Variants in PARP11 observed in about 807,000 individuals in gnomAD.
The protein encoded by PARP11 is poly(ADP-ribose) polymerase family member 11, also known as protein mono-ADP-ribosyltransferase PARP11.
Under a neutral mutation model 42.9 loss-of-function variants are expected in PARP11, and 31 were observed. The ratio of observed to expected loss-of-function variants is 0.72; its 90% CI spans 0.54 to 0.98. The LOEUF (loss-of-function observed/expected upper bound fraction) is 0.98. Among genes scored for constraint, PARP11 ranks in the 50% least tolerant of loss-of-function variants. The pLI is 0.00. For missense variants in PARP11, 365 were observed against 413.1 expected (o/e 0.88, Z 1.01); for synonymous variants, 137 against 127.3 (o/e 1.08, Z -0.51).
At chr12:3,855,752 C>T (rs1948178242) in intron 1 of PARP11, among the ~76,000 whole-genome samples, 2 of 152,186 alleles carry the variant, frequency 1.3e-5, no homozygotes, top group Non-Finnish European at 2.9e-5. Context: ...CAATGACATT[C>T]TTCACAGAAT....
In PARP11 at chr12:3,812,126, A is replaced by G. The variant is rs927555064; in HGVS notation, c.1014T>C (p.His338=). The change falls in exon 8 of 8, where the codon CAT becomes CAC. Residue 338 remains histidine, a synonymous_variant. Transcript: ENST00000228820. The part of the protein sequence containing the change: ...QIYPEYLIDF[H] ...CCACCGAGATTTGGAAGTGAAATCA[A>G]TGAAAGTCTATCAAGTACTCAGGAT... 32 of 1,590,334 alleles carry G rather than the reference A, an allele frequency of 2.0e-5. No homozygotes were observed. Among genetic ancestry groups the G allele is most frequent in the East Asian group, 4.5e-5 (2 of 44,556 alleles).
At position 3,812,139 on chromosome 12, in the gene PARP11, A is replaced by T. The variant is rs758169815; in HGVS notation, c.1001T>A (p.Leu334Ter). ...FDANQIYPEY[L>*]IDFH ...GAAGTGAAATCAATGAAAGTCTATCAAGTACTCAGGATAGATTTGGTTGGC... is the reference window on the plus strand; with the variant it reads ...GAAGTGAAATCAATGAAAGTCTATCTAGTACTCAGGATAGATTTGGTTGGC... The change falls in exon 8 of 8, where the codon TTG becomes TAG. Residue 334 changes from leucine to a stop codon, truncating the protein, a stop_gained. Coordinates refer to ENST00000228820, the MANE Select transcript of PARP11 (RefSeq NM_020367.6). LOFTEE classifies it high-confidence loss of function. 3 of 1,608,316 alleles carry T rather than the reference A, an allele frequency of 1.9e-6. No homozygotes were observed. The highest frequency in any genetic ancestry group is 2.5e-6 in the Non-Finnish European group (3 of 1,176,852).
chr12:3,841,592 A>C (rs1947889834), intron 1 of PARP11: 3 of 1,612,402 alleles, frequency 1.9e-6, no homozygotes, highest in Non-Finnish European at 2.5e-6. Flanking sequence ...AGTCACGGAC[A>C]ATTGTCTTAC....
chr12:3,824,715 T>C, intron 4 of PARP11: 1 of 627,294 alleles, frequency 1.6e-6, no homozygotes, highest in Non-Finnish European at 2.0e-6. Flanking sequence ...TCACAGTGTT[T>C]CTTGTCTCCA....
At chr12:3,819,740 ACT>A (rs758829410) in intron 6 of PARP11, among the ~76,000 whole-genome samples, 2 of 152,142 alleles carry the variant, frequency 1.3e-5, no homozygotes. Flanking sequence ...GCCCCCGCTA[ACT>A]CTCTGACTTC....
chr12:3,855,445 CA>C (rs1388454734), intron 1 of PARP11, among the ~76,000 whole-genome samples: 2 of 152,180 alleles, frequency 1.3e-5, no homozygotes, highest in African/African-American at 4.8e-5. Context: ...TCTCAGGATA[CA>C]AAATCAATGT....
At chr12:3,822,209 G>GTATTTTAA in intron 4 of PARP11, 52 bp from the exon 5 acceptor site, 2 of 1,365,692 alleles carry the variant, frequency 1.5e-6, no homozygotes, top group Non-Finnish European at 2.1e-6. Context: ...TACAATTACT[G>GTATTTTAA]TCAAGAACTT....
At chr12:3,869,159 C>T (rs919766195) in intron 1 of PARP11, among the ~76,000 whole-genome samples, 1 of 152,114 alleles carries the variant, frequency 6.6e-6, no homozygotes, top group African/African-American at 2.4e-5. Context: ...CTTTGGGGCC[C>T]CCCTGGATAA....
intron 1 of PARP11, chr12:3,839,487 T>G (rs1947843920): frequency 6.2e-7 from 1 of 1,611,538 alleles, no homozygotes; most frequent in African/African-American, 1.3e-5. Flanking sequence ...CTCGCCATGT[T>G]GAAGTCAGAA....
At chr12:3,816,057 G>T (rs999709684) in intron 6 of PARP11, among the ~76,000 whole-genome samples, 2 of 152,146 alleles carry the variant, frequency 1.3e-5, no homozygotes, top group African/African-American at 4.8e-5. Context: ...GACATCAGAA[G>T]GTCGTGCATT....
Position 3,844,270 on chromosome 12 carries a change from G to A in PARP11, c.19-14252C>T, listed in dbSNP as rs549741182. On this transcript the variant is annotated intron_variant, in intron 1 of 7. Transcript: ENST00000228820. The stretch of plus-strand genomic sequence containing the variant: ...AAATTGTAAAGACTGGGATGGTTGT[G>A]TGGAAAACATTTTTTGAGAGAATCT... Among the ~76,000 whole-genome samples the A allele has an allele frequency of 3.1e-3, 465 of 152,318 alleles. 3 individuals are homozygous for A. The highest frequency in any genetic ancestry group is 9.7e-3 in the African/African-American group (404 of 41,576).
chr12:3,840,139 G>A lies in PARP11; in HGVS notation c.19-10121C>T, dbSNP rs1947856435. 2 of 1,610,936 alleles carry A rather than the reference G, an allele frequency of 1.2e-6. No individual in the cohort carries two copies. The highest frequency in any genetic ancestry group is 3.3e-5 in the Admixed American group (2 of 59,988). ...GCAAAAACGTGATTATTCCATTGCT[G>A]CTGGCTTACAATATGAAGTTGGAGA... On this transcript the variant is annotated intron_variant, in intron 1 of 7. Transcript: ENST00000228820. The surrounding 1 kb of genome is among the most constrained non-coding windows in gnomAD (Gnocchi z 4.4).
chr12:3,844,274 A>G (rs1947954808), intron 1 of PARP11, among the ~76,000 whole-genome samples: 1 of 152,212 alleles, frequency 6.6e-6, no homozygotes, highest in South Asian at 2.1e-4. Flanking sequence ...GGTTGTGTGG[A>G]AAACATTTTT....
intron 1 of PARP11, among the ~76,000 whole-genome samples, chr12:3,857,838 G>A (rs951919906): frequency 3.3e-5 from 5 of 152,094 alleles, no homozygotes; most frequent in Admixed American, 1.3e-4. Context: ...TACTTTCCCC[G>A]AAATGTGACT....
At position 3,829,612 on chromosome 12, in the gene PARP11, C is replaced by T. The variant is rs184775821; in HGVS notation, c.147+278G>A. ...GATTTGTTCTTCCCTTTCTCTTTGTCCACCAAACCAAACTTGGAGTTGCTC... is the reference window on the plus strand; with the variant it reads ...GATTTGTTCTTCCCTTTCTCTTTGTTCACCAAACCAAACTTGGAGTTGCTC... On this transcript the variant is annotated intron_variant, in intron 2 of 7. Transcript: ENST00000228820. Among the ~76,000 whole-genome samples, 51 of 152,308 alleles carry T rather than the reference C, an allele frequency of 3.3e-4. No individual in the cohort carries two copies. The East Asian group carries it at 8.7e-3, about 26-fold the overall frequency.
chr12:3,821,779 C>G, intron 6 of PARP11, 94 bp downstream of exon 6: 1 of 1,331,388 alleles, frequency 7.5e-7, no homozygotes, highest in South Asian at 1.3e-5. Flanking sequence ...AACAGCATGT[C>G]TACACCACTG....
At chr12:3,851,186 G>T (rs114846319) in intron 1 of PARP11, among the ~76,000 whole-genome samples, 1 of 152,172 alleles carries the variant, frequency 6.6e-6, no homozygotes, top group African/African-American at 2.4e-5. Context: ...AGCTCCCAGC[G>T]TGACTGACAC....
intron 1 of PARP11, 50 bp downstream of exon 1, chr12:3,873,162 T>A: frequency 2.3e-6 from 3 of 1,323,452 alleles, no homozygotes; most frequent in Non-Finnish European, 3.2e-6. Context: ...CCCGCCCCTC[T>A]CTCATCAACC....
At chr12:3,865,778 G>GT (rs1948379291) in intron 1 of PARP11, among the ~76,000 whole-genome samples, 1 of 150,554 alleles carries the variant, frequency 6.6e-6, no homozygotes, top group South Asian at 2.1e-4. Flanking sequence ...CTTGGGTCTT[G>GT]TTTTTTTAAT....
Sources: allele counts gnomAD v4.1 joint callset (sites outside exome capture counted in the v4.1 genomes callset), GRCh38; gene constraint gnomAD v4.1.1; non-coding constraint Gnocchi (gnomAD v3.1); transcripts MANE v1.5; gene names NCBI Gene and HGNC (gene_info 2026-07-23, HGNC 2026-07-21).